Variants in LRP6 observed in about 807,000 individuals in gnomAD.
LRP6 encodes LDL receptor related protein 6, also known as low-density lipoprotein receptor-related protein 6.
In LRP6, 43 loss-of-function variants were observed where a neutral mutation model predicts 184.1. That is an observed-to-expected ratio of 0.23 (90% CI 0.18 to 0.30). The LOEUF (loss-of-function observed/expected upper bound fraction) is 0.30. Ranked by LOEUF, LRP6 falls within the 10% of genes least tolerant of loss-of-function variation. LRP6 has a pLI of 1.00. For missense variants in LRP6, 1,571 were observed against 2,005.3 expected (o/e 0.78, Z 4.14); for synonymous variants, 719 against 684.9 (o/e 1.05, Z -0.78).
chr12:12,138,280 A>G, intron 16 of LRP6, 45 bp downstream of exon 16: 2 of 1,469,528 alleles, frequency 1.4e-6, no homozygotes, highest in South Asian at 1.1e-5. Context: ...TTAATTTATT[A>G]TAACACATGA....
rs761440466 is a variant in LRP6 at position 12,117,624 on chromosome 12, G to C, written c.*3502C>G. 8.5e-5 allele frequency: 13 copies of C among 152,154 alleles called. No individual in the cohort carries two copies. Among genetic ancestry groups the C allele is most frequent in the Non-Finnish European group, 1.5e-4 (10 of 68,022 alleles). 9.4% of individuals were successfully genotyped at this position (152,154 alleles called of 1,614,324 possible). Reference sequence around the variant, plus strand: ...CTGCATAGAAGTAGGCGTGCTTAACGCATACCTCTTCAGTCTCTATTATGA... The same window carrying C: ...CTGCATAGAAGTAGGCGTGCTTAACCCATACCTCTTCAGTCTCTATTATGA... On this transcript the variant is annotated 3_prime_UTR_variant, in exon 23 of 23. Coordinates refer to ENST00000261349, the MANE Select transcript of LRP6 (RefSeq NM_002336.3).
intron 15 of LRP6, among the ~76,000 whole-genome samples, chr12:12,140,631 T>C (rs914677526): frequency 7.5e-5 from 11 of 146,960 alleles, no homozygotes; most frequent in Non-Finnish European, 1.3e-4. Flanking sequence ...TGAGACGGAG[T>C]TTTGCTCTTT....
In LRP6 at chr12:12,189,735, A is replaced by G. The variant is rs564150158; in HGVS notation, c.648-2616T>C. The stretch of plus-strand genomic sequence containing the variant: ...AGGCTGGTCTCAAACTCCTGACCTC[A>G]GGTGATCTGCCCACCTTGGCCTCCT... On this transcript the variant is annotated intron_variant, in intron 3 of 22. Coordinates refer to ENST00000261349, the MANE Select transcript of LRP6 (RefSeq NM_002336.3). Among the ~76,000 whole-genome samples, 219 of 152,266 alleles carry G rather than the reference A, an allele frequency of 1.4e-3. 1 individual carries two copies. Among genetic ancestry groups the G allele is most frequent in the African/African-American group, 4.9e-3 (202 of 41,558 alleles).
chr12:12,204,122 T>C (rs975274352), intron 2 of LRP6, among the ~76,000 whole-genome samples: 1 of 152,102 alleles, frequency 6.6e-6, no homozygotes, highest in Non-Finnish European at 1.5e-5. Flanking sequence ...GTGATATACC[T>C]TTACAGAACA....
chr12:12,200,685 T>G (rs766464316), intron 3 of LRP6, among the ~76,000 whole-genome samples: 1 of 152,190 alleles, frequency 6.6e-6, no homozygotes, highest in Non-Finnish European at 1.5e-5. Context: ...CATCCCAATT[T>G]TTATTCCAAC....
At chr12:12,235,592 T>C (rs1046723855) in intron 2 of LRP6, among the ~76,000 whole-genome samples, 3 of 151,736 alleles carry the variant, frequency 2.0e-5, no homozygotes, top group Admixed American at 6.6e-5. Flanking sequence ...TAGCCAGGCA[T>C]AGTGGCGCAT....
rs758595353 is a variant in LRP6 at position 12,266,915 on chromosome 12, C to A, written c.-180G>T. 3.1e-6 allele frequency: 2 copies of A among 635,608 alleles called. No homozygotes were observed. The highest frequency in any genetic ancestry group is 5.6e-6 in the Non-Finnish European group (2 of 356,250). The allele number at this position is 635,608 out of a possible 1,614,324, so 39.4% of individuals were successfully genotyped here. On this transcript the variant is annotated 5_prime_UTR_variant, in exon 1 of 23. Coordinates refer to ENST00000261349, the MANE Select transcript of LRP6 (RefSeq NM_002336.3). The stretch of plus-strand genomic sequence containing the variant: ...CGCGCGCCGCCGCCGCCCTCTCTAC[C>A]GCGCCGCTCGGCCCCGGGCTCGCGC...
intron 2 of LRP6, among the ~76,000 whole-genome samples, chr12:12,223,192 A>C (rs960521698): frequency 1.8e-4 from 27 of 151,770 alleles, no homozygotes; most frequent in African/African-American, 6.5e-4. Flanking sequence ...AAAAAAAAAA[A>C]AAACCAGGAC....
chr12:12,138,008 A>T (rs899232164), intron 16 of LRP6, among the ~76,000 whole-genome samples: 16 of 142,944 alleles, frequency 1.1e-4, no homozygotes, highest in African/African-American at 2.6e-4. Flanking sequence ...ACTAAAAATT[A>T]AAAAAAAAAA....
intron 5 of LRP6, among the ~76,000 whole-genome samples, chr12:12,182,648 T>C (rs1321700967): frequency 5.3e-5 from 8 of 152,188 alleles, no homozygotes; most frequent in Non-Finnish European, 7.3e-5. Flanking sequence ...ATATCAGCCC[T>C]TTCACTCTAG....
intron 1 of LRP6, among the ~76,000 whole-genome samples, chr12:12,255,815 C>G (rs1865449036): frequency 6.6e-6 from 1 of 152,104 alleles, no homozygotes; most frequent in South Asian, 2.1e-4. Flanking sequence ...AAGCGATCCT[C>G]TGCCACGGCC....
At position 12,190,083 on chromosome 12, in the gene LRP6, T is replaced by C. The variant is rs556286562; in HGVS notation, c.648-2964A>G. Among the ~76,000 whole-genome samples the C allele has an allele frequency of 2.3e-3, 352 of 152,328 alleles. 3 individuals carry two copies. Among genetic ancestry groups the C allele is most frequent in the Non-Finnish European group, 1.4e-3 (97 of 68,024 alleles). On this transcript the variant is annotated intron_variant, in intron 3 of 22. Coordinates refer to ENST00000261349, the MANE Select transcript of LRP6 (RefSeq NM_002336.3). ...AAAATTAAATGTTTTTAAGAAAATA[T>C]GTAATTAACAGAGCTGAACAAAAGG...
intron 7 of LRP6, among the ~76,000 whole-genome samples, chr12:12,171,919 C>T (rs995587506): frequency 6.6e-6 from 1 of 152,198 alleles, no homozygotes; most frequent in Non-Finnish European, 1.5e-5. Flanking sequence ...AAGTTTTGGA[C>T]AGGTTACTAG....
intron 2 of LRP6, among the ~76,000 whole-genome samples, chr12:12,225,457 G>A (rs1020958686): frequency 5.3e-5 from 8 of 152,108 alleles, no homozygotes; most frequent in African/African-American, 1.9e-4. Flanking sequence ...CAGCACCCGA[G>A]TAGGAAAACC....
intron 1 of LRP6, among the ~76,000 whole-genome samples, chr12:12,261,363 G>A (rs553248691): frequency 2.0e-4 from 30 of 149,016 alleles, no homozygotes; most frequent in Non-Finnish European, 2.5e-4. Context: ...AGATCACGCC[G>A]CTGCACTCCA....
intron 2 of LRP6, among the ~76,000 whole-genome samples, chr12:12,235,611 T>C (rs1467177502): frequency 1.3e-5 from 2 of 151,542 alleles, no homozygotes; most frequent in Non-Finnish European, 2.9e-5. Context: ...ATGCCTGTAA[T>C]CCCAGCTACT....
rs549118663 is a variant in LRP6 at position 12,172,838 on chromosome 12, C to T, written c.1545+6972G>A. ...CAAGTATAAAGAAATGCTTTGGACC[C>T]AGTAGGTGAAGTAAAGGGACACCAC... is the stretch of plus-strand genomic sequence containing the variant. On this transcript the variant is annotated intron_variant, in intron 7 of 22. Transcript: ENST00000261349. Among the ~76,000 whole-genome samples the T allele has an allele frequency of 1.4e-4, 22 of 152,266 alleles. 1 individual carries two copies. In the South Asian group the frequency reaches 4.4e-3, roughly 30 times the overall value.
chr12:12,135,912 C>T (rs1006080157), intron 16 of LRP6, among the ~76,000 whole-genome samples: 2 of 152,000 alleles, frequency 1.3e-5, no homozygotes, highest in Admixed American at 6.5e-5. Flanking sequence ...AGGCCGGGTG[C>T]GGTGGCTCAC....
intron 2 of LRP6, among the ~76,000 whole-genome samples, chr12:12,218,647 C>T (rs1025271065): frequency 6.6e-6 from 1 of 151,836 alleles, no homozygotes; most frequent in African/African-American, 2.4e-5. Flanking sequence ...TATACACCCA[C>T]TAGGATGGTT....
Sources: gnomAD v4.1 joint callset for allele counts (sites outside exome capture counted in the v4.1 genomes callset) on GRCh38, gnomAD v4.1.1 for gene constraint, MANE v1.5 for transcripts, NCBI Gene and HGNC (gene_info 2026-07-23, HGNC 2026-07-21) for gene names.